The following CLIC5 variants were observed in gnomAD, a reference collection of about 807,000 sequenced individuals.
The protein encoded by CLIC5 is chloride intracellular channel protein 5.
Under a neutral mutation model 24.7 loss-of-function variants are expected in CLIC5, and 20 were observed. The ratio of observed to expected loss-of-function variants is 0.81; its 90% CI spans 0.57 to 1.18. The LOEUF is 1.18. CLIC5 is among the 50% of genes most tolerant of loss of function. The pLI is 0.00. For synonymous variants in CLIC5, 159 were observed against 135.6 expected (o/e 1.17, Z -1.20); for missense variants, 341 against 326.1 (o/e 1.05, Z -0.35).
At chr6:45,959,183 C>T (rs1269867387) in intron 1 of CLIC5, among the ~76,000 whole-genome samples, 5 of 152,122 alleles carry the variant, frequency 3.3e-5, no homozygotes, top group Admixed American at 2.0e-4. Flanking sequence ...TATTTAAGAC[C>T]GCGGTTCTCA....
chr6:45,956,979 G>A (rs923452384), intron 1 of CLIC5, among the ~76,000 whole-genome samples: 5 of 152,142 alleles, frequency 3.3e-5, no homozygotes, highest in African/African-American at 9.7e-5. Context: ...TATGATGTAC[G>A]TTCCCTAGGA....
chr6:45,912,714 A>G, intron 5 of CLIC5: 2 of 1,535,514 alleles, frequency 1.3e-6, no homozygotes, highest in South Asian at 1.2e-5. Context: ...CTGGAATTAT[A>G]TCATCCCTTT....
chr6:46,077,423 G>T (rs746603733), intron 1 of CLIC5, among the ~76,000 whole-genome samples: 6 of 151,986 alleles, frequency 3.9e-5, no homozygotes, highest in Non-Finnish European at 5.9e-5. Flanking sequence ...GGAAGACAGT[G>T]AGCCACAGAG....
chr6:45,981,907 A>G (rs1765580552), intron 1 of CLIC5, among the ~76,000 whole-genome samples: 1 of 152,002 alleles, frequency 6.6e-6, no homozygotes, highest in African/African-American at 2.4e-5. Flanking sequence ...CTGAGGCAGG[A>G]GAATCTCTTG....
Position 46,015,676 on chromosome 6 carries a change from A to G in CLIC5, c.-134T>C. The stretch of plus-strand genomic sequence containing the variant: ...GCGGTGTTTAATTTTTCACAAAACC[A>G]TCTATTCTCCAGCCCGAGCAGCGGG... On this transcript the variant is annotated 5_prime_UTR_variant, in exon 1 of 6. The change abolishes an upstream ATG in the 5' untranslated region. Transcript: ENST00000339561. 1 of 1,301,834 alleles carries G rather than the reference A, an allele frequency of 7.7e-7. No homozygotes were observed. The allele number at this position is 1,301,834 out of a possible 1,614,324, so 80.6% of individuals were successfully genotyped here.
intron 1 of CLIC5, among the ~76,000 whole-genome samples, chr6:45,995,857 C>A (rs9472652): frequency 0.26 from 39,338 of 151,978 alleles, 5,558 homozygotes; most frequent in East Asian, 0.5. Context: ...CAAGCTAACA[C>A]AGAAACAGAA....
exon 1 of CLIC5, chr6:46,080,198 A>T (rs768005893): frequency 4.5e-6 from 7 of 1,551,442 alleles, no homozygotes; most frequent in Non-Finnish European, 4.4e-6. Context: ...ACGTCCTCTC[A>T]TTTTGGATTG....
At chr6:46,116,525 A>T in the CLIC5 span, among the ~76,000 whole-genome samples, 2 of 152,212 alleles carry the variant, frequency 1.3e-5, no homozygotes, top group Non-Finnish European at 2.9e-5. Context: ...TTACTGTCGA[A>T]TGAATGAGAA....
chr6:46,079,822 A>G (rs1390628053), exon 1 of CLIC5: 1 of 1,552,110 alleles, frequency 6.4e-7, no homozygotes, highest in Non-Finnish European at 8.7e-7. Context: ...TGAATGGTGA[A>G]GCTTGAAGGA....
At chr6:45,918,933 A>G in intron 4 of CLIC5, 2 of 985,108 alleles carry the variant, frequency 2.0e-6, no homozygotes. Context: ...TCTTAGACTT[A>G]CCCAGGGCAC....
chr6:46,038,200 A>C (rs1157607221), intron 1 of CLIC5, among the ~76,000 whole-genome samples: 1 of 152,254 alleles, frequency 6.6e-6, no homozygotes, highest in Non-Finnish European at 1.5e-5. Flanking sequence ...AAATGAAAAA[A>C]AAATGAAGCA....
intron 1 of CLIC5, among the ~76,000 whole-genome samples, chr6:46,008,077 A>G (rs1331386940): frequency 6.6e-6 from 1 of 152,044 alleles, no homozygotes; most frequent in Non-Finnish European, 1.5e-5. Flanking sequence ...CCAGCTATCA[A>G]TCTTTCTAAA....
chr6:45,943,542 C>T (rs1384007661), intron 3 of CLIC5, among the ~76,000 whole-genome samples: 3 of 152,180 alleles, frequency 2.0e-5, no homozygotes, highest in Admixed American at 6.5e-5. Context: ...CTATTAGAAT[C>T]GATAGACTTA....
At chr6:45,990,028 G>A (rs900342795) in intron 1 of CLIC5, among the ~76,000 whole-genome samples, 17 of 152,160 alleles carry the variant, frequency 1.1e-4, no homozygotes, top group Non-Finnish European at 2.2e-4. Flanking sequence ...CTTTTCCTCT[G>A]AACCAGGCAA....
rs922634941 is a variant in CLIC5 at position 45,961,419 on chromosome 6, T to C, written c.64-6175A>G. 3.9e-5 allele frequency among the ~76,000 whole-genome samples: 6 copies of C among 152,354 alleles called. No homozygotes were observed. The East Asian group carries it at 9.6e-4, about 24-fold the overall frequency. Reference sequence around the variant, plus strand: ...CCCATGGTAGCACAGCTGGTTCCCATAGCAGAATCAGGTCTCTCTAACTCC... The same window carrying C: ...CCCATGGTAGCACAGCTGGTTCCCACAGCAGAATCAGGTCTCTCTAACTCC... On this transcript the variant is annotated intron_variant, in intron 1 of 5. Coordinates refer to ENST00000339561, the MANE Select transcript of CLIC5 (RefSeq NM_016929.5).
chr6:46,072,254 AAC>A (rs1343577853), intron 1 of CLIC5, among the ~76,000 whole-genome samples: 4 of 151,294 alleles, frequency 2.6e-5, no homozygotes, highest in African/African-American at 9.7e-5. Context: ...AAAAAAAAGA[AAC>A]ACATGTGGAT....
Position 45,903,213 on chromosome 6 carries a change from T to A in CLIC5, c.631A>T (p.Met211Leu). The A allele has an allele frequency of 6.2e-7, 1 of 1,611,186 alleles. No homozygotes were observed. The highest frequency in any genetic ancestry group is 8.5e-7 in the Non-Finnish European group (1 of 1,178,806). Residue 211 changes from methionine to leucine, a missense_variant, in exon 6 of 6, where the codon ATG (methionine) becomes TTG (leucine). By Grantham distance (15) the Met-to-Leu change is conservative. Transcript: ENST00000339561. The stretch of plus-strand genomic sequence containing the variant: ...TTGAGGTACCGCCACAGGCCTGTCA[T>A]CTCAGCCGGGATATCATAGTTGCGG... The part of the protein sequence containing the change: ...KYRNYDIPAE[M>L]TGLWRYLKNA...
At chr6:45,923,265 G>A (rs752675157) in intron 4 of CLIC5, among the ~76,000 whole-genome samples, 18 of 152,238 alleles carry the variant, frequency 1.2e-4, no homozygotes, top group African/African-American at 3.9e-4. Flanking sequence ...GGTTTAATGC[G>A]GATGCTCACA....
intron 1 of CLIC5, among the ~76,000 whole-genome samples, chr6:45,967,363 T>G (rs1257454298): frequency 7.2e-5 from 11 of 152,196 alleles, no homozygotes; most frequent in Non-Finnish European, 1.5e-5. Context: ...AAAGACATGA[T>G]GGCCAGGTCA....
Sources: gnomAD v4.1 joint callset for allele counts (sites outside exome capture counted in the v4.1 genomes callset) on GRCh38, gnomAD v4.1.1 for gene constraint, MANE v1.5 for transcripts, NCBI Gene and HGNC (gene_info 2026-07-23, HGNC 2026-07-21) for gene names.